The following DAGLA variants were observed in gnomAD, a reference collection of about 807,000 sequenced individuals.
DAGLA encodes diacylglycerol lipase alpha, also known as diacylglycerol lipase-alpha.
Under a neutral mutation model 102.6 loss-of-function variants are expected in DAGLA, and 22 were observed. The ratio of observed to expected loss-of-function variants is 0.21; its 90% CI spans 0.15 to 0.31. The LOEUF (loss-of-function observed/expected upper bound fraction) is 0.31. Among genes scored for constraint, DAGLA ranks in the 10% least tolerant of loss-of-function variants. The pLI, the probability that DAGLA is intolerant of heterozygous loss-of-function variation, is 1.00. For synonymous variants in DAGLA, 578 were observed against 628.9 expected (o/e 0.92, Z 1.21); for missense variants, 927 against 1,446.6 (o/e 0.64, Z 5.83).
At chr11:61,737,052 C>G in intron 13 of DAGLA, 130 bp from the exon 14 acceptor site, 2 of 1,261,642 alleles carry the variant, frequency 1.6e-6, no homozygotes, top group Non-Finnish European at 2.2e-6. Context: ...TGTGCCCTAG[C>G]ATTCACACAG....
rs1424617876 is a variant in DAGLA, at chr11:61,684,461, C to T, written c.-45+3957C>T. Among the ~76,000 whole-genome samples the T allele has an allele frequency of 6.6e-6, 1 of 152,014 alleles. No homozygotes were observed. The highest frequency in any genetic ancestry group is 6.6e-5 in the Admixed American group (1 of 15,250). On this transcript the variant is annotated intron_variant, in intron 1 of 19. Transcript: ENST00000257215. This position sits in a 1 kb window ranked among gnomAD's most constrained non-coding sequence, Gnocchi z 4.5. Reference sequence around the variant, plus strand: ...TGGTCTTTCTGGGTTGGATGGGAAGCGTGAGTGTGGGTGTGGACGTGGGTT... The same window carrying T: ...TGGTCTTTCTGGGTTGGATGGGAAGTGTGAGTGTGGGTGTGGACGTGGGTT...
Position 61,720,188 on chromosome 11 carries a change from G to C in DAGLA, c.33G>C (p.Trp11Cys). 2 of 1,613,718 alleles carry C rather than the reference G, an allele frequency of 1.2e-6. No individual in the cohort carries two copies. The change falls in exon 2 of 20, where the codon TGG becomes TGC. Residue 11 changes from tryptophan (W) to cysteine (C), a missense_variant. This residue lies in a region of DAGLA where 231 missense variants were observed against 439.8 expected (regional missense o/e 0.53). Coordinates refer to ENST00000257215, the MANE Select transcript of DAGLA (RefSeq NM_006133.3). MPGIVVFRRR[W>C]SVGSDDLVLP... ...GGATCGTGGTGTTCCGGCGGCGCTG[G>C]TCTGTGGGCAGTGATGACCTCGTCC...
chr11:61,681,666 A>G (rs564536889), intron 1 of DAGLA, among the ~76,000 whole-genome samples: 1 of 152,184 alleles, frequency 6.6e-6, no homozygotes, highest in Non-Finnish European at 1.5e-5. Flanking sequence ...TATGCTTGAA[A>G]GATGATTCTG....
intron 1 of DAGLA, among the ~76,000 whole-genome samples, chr11:61,688,083 G>A (rs1480760692): frequency 2.0e-5 from 3 of 152,118 alleles, no homozygotes; most frequent in African/African-American, 7.2e-5. Flanking sequence ...TTGGGAGACC[G>A]AGGCGGGCGG....
At chr11:61,692,109 A>C (rs1167125292) in intron 1 of DAGLA, among the ~76,000 whole-genome samples, 1 of 152,192 alleles carries the variant, frequency 6.6e-6, no homozygotes, top group Non-Finnish European at 1.5e-5. Context: ...TGTTTGACCC[A>C]TAGTCAGTGC....
At chr11:61,738,821 A>AC (rs1215889728) in intron 16 of DAGLA, among the ~76,000 whole-genome samples, 1 of 150,872 alleles carries the variant, frequency 6.6e-6, no homozygotes, top group East Asian at 2.0e-4. Flanking sequence ...ACCCCTCCTC[A>AC]CCCCCTGCCC....
chr11:61,702,942 C>T (rs1006022000), intron 1 of DAGLA, among the ~76,000 whole-genome samples: 6 of 152,204 alleles, frequency 3.9e-5, no homozygotes, highest in African/African-American at 1.4e-4. Context: ...TCGCCCACAG[C>T]GTGGTCGTTG....
chr11:61,701,663 GT>G (rs1171831392), intron 1 of DAGLA, among the ~76,000 whole-genome samples: 2 of 152,208 alleles, frequency 1.3e-5, no homozygotes, highest in African/African-American at 4.8e-5. Context: ...GCAAAGGGCA[GT>G]TCTGTGTCAC....
intron 3 of DAGLA, among the ~76,000 whole-genome samples, chr11:61,722,415 G>A (rs1212713474): frequency 1.3e-5 from 2 of 152,138 alleles, no homozygotes; most frequent in Admixed American, 6.6e-5. Context: ...ACGAAACCCC[G>A]TCTCTACTAA....
At chr11:61,718,108 T>C (rs1329262057) in intron 1 of DAGLA, among the ~76,000 whole-genome samples, 3 of 152,050 alleles carry the variant, frequency 2.0e-5, no homozygotes, top group Non-Finnish European at 2.9e-5. Flanking sequence ...GGGCCATCCA[T>C]GGGGTGGACC....
At chr11:61,710,592 G>A (rs1037707721) in intron 1 of DAGLA, among the ~76,000 whole-genome samples, 11 of 152,022 alleles carry the variant, frequency 7.2e-5, no homozygotes, top group African/African-American at 1.9e-4. Context: ...GTGCCAGTGC[G>A]GCCGTGCTGG....
rs963813550 is a variant in DAGLA at position 61,739,505 on chromosome 11, C to T, written c.1697C>T (p.Ser566Leu). The T allele has an allele frequency of 6.2e-6, 10 of 1,613,938 alleles. No homozygotes were observed. Among genetic ancestry groups the T allele is most frequent in the East Asian group, 2.2e-5 (1 of 44,890 alleles). The change falls in exon 17 of 20, where the codon TCG becomes TTG. Residue 566 changes from serine (S) to leucine (L), a missense_variant. Physicochemically the swap from Ser to Leu is moderately radical, Grantham distance 145. Coordinates refer to ENST00000257215, the MANE Select transcript of DAGLA (RefSeq NM_006133.3). ...IVGATKCIPK[S>L]ELPEEVEVTT... ...GGGGCCACCAAATGCATCCCCAAGTCGGAGCTGCCTGAGGAGGTAGAGGTG... is the reference window on the plus strand; with the variant it reads ...GGGGCCACCAAATGCATCCCCAAGTTGGAGCTGCCTGAGGAGGTAGAGGTG...
intron 4 of DAGLA, 98 bp downstream of exon 4, chr11:61,723,058 C>A: frequency 9.7e-7 from 1 of 1,026,588 alleles, no homozygotes; most frequent in Non-Finnish European, 1.5e-6. Context: ...TGCCAGAGGG[C>A]AGTGCCTTCT....
chr11:61,692,314 G>C (rs1016638636), intron 1 of DAGLA, among the ~76,000 whole-genome samples: 1 of 152,154 alleles, frequency 6.6e-6, no homozygotes, highest in African/African-American at 2.4e-5. Flanking sequence ...TGGAAGTTCT[G>C]CTTATGCACA....
chr11:61,727,983 C>G (rs934107097), intron 6 of DAGLA, among the ~76,000 whole-genome samples, 170 bp from the exon 7 acceptor site: 1 of 152,190 alleles, frequency 6.6e-6, no homozygotes, highest in Non-Finnish European at 1.5e-5. Flanking sequence ...CACAGGGCCA[C>G]ATGGGGTCAG....
At position 61,734,982 on chromosome 11, in the gene DAGLA, T is replaced by C; in HGVS notation, c.1108T>C (p.Tyr370His). Residue 370 changes from tyrosine to histidine, a missense_variant, in exon 10 of 20, where the codon TAT becomes CAT. By Grantham distance (83) the Tyr-to-His change is moderately conservative (BLOSUM62 2). Around this residue, in one of 4 missense-constraint regions of DAGLA, gnomAD observed 218 missense variants for 459.6 expected, o/e 0.47. Transcript: ENST00000257215. The surrounding 1 kb of genome is among the most constrained non-coding windows in gnomAD (Gnocchi z 4.2). ...DENMTAVDIV[Y>H]TSCHDAVYET... ...GAACATGACTGCGGTGGACATCGTC[T>C]ATACCTCCTGCCATGATGCGGTGAG... 6.2e-7 allele frequency: 1 copy of C among 1,613,770 alleles called. No homozygotes were observed. Among genetic ancestry groups the C allele is most frequent in the South Asian group, 1.1e-5 (1 of 91,078 alleles).
At chr11:61,730,045 G>A (rs192402384) in intron 8 of DAGLA, among the ~76,000 whole-genome samples, 12 of 151,066 alleles carry the variant, frequency 7.9e-5, no homozygotes, top group Admixed American at 7.2e-4. Context: ...CACTCCAGCT[G>A]CACTGTCCCT....
intron 1 of DAGLA, among the ~76,000 whole-genome samples, chr11:61,693,848 T>C (rs1289430575): frequency 6.6e-6 from 1 of 152,216 alleles, no homozygotes; most frequent in Non-Finnish European, 1.5e-5. Flanking sequence ...TCTCCCGCTT[T>C]CTTACTTCCT....
chr11:61,743,759 T>A lies in DAGLA; in HGVS notation c.2399T>A (p.Phe800Tyr). 6.2e-7 allele frequency: 1 copy of A among 1,612,416 alleles called. No individual in the cohort carries two copies. ...YSFDSRRSSGFRSIRGSPSLH... is the reference protein window; with the variant it reads ...YSFDSRRSSGYRSIRGSPSLH... ...TTCGACTCGCGCCGCTCCTCAGGCT[T>A]CCGCAGCATCCGGGGCTCCCCCAGC... Residue 800 changes from phenylalanine to tyrosine, a missense_variant, in exon 20 of 20, where the codon TTC (phenylalanine) becomes TAC (tyrosine). By Grantham distance (22) the Phe-to-Tyr change is conservative. Coordinates refer to ENST00000257215, the MANE Select transcript of DAGLA (RefSeq NM_006133.3).
Sources: allele counts gnomAD v4.1 joint callset (sites outside exome capture counted in the v4.1 genomes callset), GRCh38; gene constraint gnomAD v4.1.1; regional missense constraint gnomAD v4.1.1; non-coding constraint Gnocchi (gnomAD v3.1); transcripts MANE v1.5; gene names NCBI Gene and HGNC (gene_info 2026-07-23, HGNC 2026-07-21).